The following SYCP2 variants were observed in gnomAD, a reference collection of about 807,000 sequenced individuals.
The protein encoded by SYCP2 is synaptonemal complex lateral element protein.
Under a neutral mutation model 211.3 loss-of-function variants are expected in SYCP2, and 55 were observed. The observed-to-expected ratio is 0.26, with a 90% CI of 0.21 to 0.33. SYCP2 has a LOEUF of 0.33. Ranked by LOEUF, SYCP2 falls within the 10% of genes least tolerant of loss-of-function variation. SYCP2 has a pLI of 1.00. For missense variants in SYCP2, 1,731 were observed against 1,752.0 expected, an observed-to-expected ratio of 0.99 and a Z score of 0.21; for synonymous variants, 570 against 555.2, an observed-to-expected ratio of 1.03 and a Z score of -0.37.
intron 15 of SYCP2, among the ~76,000 whole-genome samples, chr20:59,907,021 T>A (rs925609834): frequency 1.3e-5 from 2 of 152,164 alleles, no homozygotes; most frequent in African/African-American, 4.8e-5. Context: ...TCTGATTTTG[T>A]CCACTAGCAT....
intron 14 of SYCP2, among the ~76,000 whole-genome samples, chr20:59,911,408 G>A (rs1482144619): frequency 6.6e-6 from 1 of 152,174 alleles, no homozygotes; most frequent in African/African-American, 2.4e-5. Flanking sequence ...TCAATAGAAT[G>A]CCACTGTATT....
At chr20:59,903,977 G>C (rs963626123) in intron 15 of SYCP2, among the ~76,000 whole-genome samples, 3 of 152,128 alleles carry the variant, frequency 2.0e-5, no homozygotes, top group Admixed American at 6.6e-5. Flanking sequence ...CATGTAACAA[G>C]ATCTCTGGCC....
intron 26 of SYCP2, among the ~76,000 whole-genome samples, chr20:59,882,635 T>C (rs528512840): frequency 9.9e-5 from 15 of 152,166 alleles, no homozygotes; most frequent in African/African-American, 3.6e-4. Flanking sequence ...TGTAGCAACA[T>C]GGATGTAACT....
intron 39 of SYCP2, among the ~76,000 whole-genome samples, chr20:59,867,441 GA>G (rs1348162640): frequency 7.2e-6 from 1 of 138,452 alleles, no homozygotes; most frequent in African/African-American, 2.7e-5. Context: ...AAAGTGGCAT[GA>G]AAACTGTCCA....
chr20:59,912,029 T>C, intron 13 of SYCP2, 184 bp from the exon 14 acceptor site: 2 of 431,744 alleles, frequency 4.6e-6, no homozygotes, highest in Non-Finnish European at 8.2e-6. Context: ...TTTAATATTT[T>C]ATAAAAAATC....
chr20:59,864,087 T>G lies in SYCP2; in HGVS notation c.*224A>C, dbSNP rs942178860. On this transcript the variant is annotated 3_prime_UTR_variant, in exon 45 of 45. Transcript: ENST00000357552. ...TTCTTAAAGCTTTTATCTCCAAAAT[T>G]AAAAAAAAATATTGTATAGACAGAA... is the stretch of plus-strand genomic sequence containing the variant. 2 of 311,816 alleles carry G rather than the reference T, an allele frequency of 6.4e-6. No homozygotes were observed. The highest frequency in any genetic ancestry group is 1.2e-5 in the Non-Finnish European group (2 of 167,964). The allele number at this position is 311,816 out of a possible 1,614,324, so 19.3% of individuals were successfully genotyped here.
chr20:59,896,285 T>A (rs569484119), intron 19 of SYCP2, 144 bp downstream of exon 19: 1 of 553,546 alleles, frequency 1.8e-6, no homozygotes, highest in Non-Finnish European at 3.2e-6. Flanking sequence ...TTTCTTCCCA[T>A]TAGAAGACAT....
chr20:59,920,236 T>C (rs2060515904), intron 5 of SYCP2, 123 bp downstream of exon 5: 3 of 849,972 alleles, frequency 3.5e-6, no homozygotes, highest in Non-Finnish European at 3.6e-6. Context: ...AGAAATGTTT[T>C]ATTCCCAAAA....
At chr20:59,928,335 G>A (rs1304288596) in intron 2 of SYCP2, among the ~76,000 whole-genome samples, 4 of 152,026 alleles carry the variant, frequency 2.6e-5, no homozygotes, top group African/African-American at 9.7e-5. Context: ...ATGAATACAT[G>A]GAGTTGTTCC....
intron 36 of SYCP2, among the ~76,000 whole-genome samples, chr20:59,869,385 C>T (rs936222511): frequency 5.3e-5 from 8 of 151,734 alleles, no homozygotes; most frequent in Admixed American, 4.6e-4. Flanking sequence ...TAGCTCAAAT[C>T]GCAGCCCTCT....
At chr20:59,890,734 A>G (rs927454790) in intron 24 of SYCP2, among the ~76,000 whole-genome samples, 2 of 151,922 alleles carry the variant, frequency 1.3e-5, no homozygotes, top group South Asian at 4.2e-4. Flanking sequence ...ACAGCTTAGA[A>G]AAGATTATTA....
In SYCP2 at chr20:59,886,772, A is replaced by G; in HGVS notation, c.2427T>C (p.Asn809=). ...TGTCATCTTTTGTTTTGTATCTTTTATTGATTTGGCTTATCAAGGATTCTG... is the reference window on the plus strand; with the variant it reads ...TGTCATCTTTTGTTTTGTATCTTTTGTTGATTTGGCTTATCAAGGATTCTG... ...NVAESLISQI[N]KRYKTKDDIK... The change falls in exon 25 of 45, where the codon AAT becomes AAC. Residue 809 remains asparagine, a synonymous_variant. Transcript: ENST00000357552. 6.3e-7 allele frequency: 1 copy of G among 1,591,354 alleles called. No homozygotes were observed. The highest frequency in any genetic ancestry group is 8.5e-7 in the Non-Finnish European group (1 of 1,172,062).
intron 39 of SYCP2, among the ~76,000 whole-genome samples, chr20:59,867,209 G>A (rs987057799): frequency 6.9e-6 from 1 of 145,752 alleles, no homozygotes; most frequent in African/African-American, 2.5e-5. Context: ...AGAGGCATGT[G>A]AAAGAGATAG....
rs570102997 is a variant in SYCP2 at position 59,891,991 on chromosome 20, A to ATTTTT, written c.2358_2362dup (p.Met788LysfsTer3). 9.0e-6 allele frequency: 14 copies of ATTTTT among 1,550,100 alleles called. No homozygotes were observed. The highest frequency in any genetic ancestry group is 7.8e-5 in the Admixed American group (4 of 51,268). ...AATCAAAACACATTGAAAGCTCACC[A>ATTTTT]TTTTTTTTTGTTTCGAATCCCAGGA... On this transcript the variant is annotated frameshift_variant and splice_region_variant, in exon 24 of 45. Transcript: ENST00000357552. LOFTEE classifies it high-confidence loss of function.
chr20:59,912,526 T>A (rs1417172715), intron 12 of SYCP2, 108 bp from the exon 13 acceptor site: 1 of 454,286 alleles, frequency 2.2e-6, no homozygotes. Flanking sequence ...GCAGTGGTCA[T>A]AATAATTGAA....
chr20:59,864,803 T>C (rs149929555), intron 44 of SYCP2, among the ~76,000 whole-genome samples: 1 of 152,152 alleles, frequency 6.6e-6, no homozygotes, highest in Admixed American at 6.6e-5. Context: ...AGTACATTAA[T>C]ATACTGTGTA....
At position 59,893,533 on chromosome 20, in the gene SYCP2, G is replaced by T; in HGVS notation, c.1726C>A (p.Gln576Lys). 1 of 1,604,142 alleles carries T rather than the reference G, an allele frequency of 6.2e-7. No individual in the cohort carries two copies. Among genetic ancestry groups the T allele is most frequent in the Non-Finnish European group, 8.5e-7 (1 of 1,173,372 alleles). ...TENKNVEFPN[Q>K]NFSELQDVIP... ...ACCACAAGGTACTTACTAAAATTTT[G>T]GTTTGGGAATTCAACATTCTTATTT... Residue 576 changes from glutamine to lysine, a missense_variant, in exon 21 of 45, where the codon CAA becomes AAA. Coordinates refer to ENST00000357552, the MANE Select transcript of SYCP2 (RefSeq NM_014258.4).
intron 17 of SYCP2, among the ~76,000 whole-genome samples, chr20:59,900,511 C>T (rs2060095370): frequency 6.6e-6 from 1 of 151,998 alleles, no homozygotes; most frequent in African/African-American, 2.4e-5. Flanking sequence ...ACATTTACTG[C>T]TTTTTTAAAG....
At position 59,881,509 on chromosome 20, in the gene SYCP2, C is replaced by CA. The variant is rs1555874990; in HGVS notation, c.2659-18dup. ...CTCTTGGATCTATATTGTAAATAAA[C>CA]AAAAAAAAAGAGGTGTCAGTGTCAA... On this transcript the variant is annotated splice_polypyrimidine_tract_variant and intron_variant, in intron 28 of 44. Transcript: ENST00000357552. 3,416 of 1,305,996 alleles carry CA rather than the reference C, an allele frequency of 2.6e-3. 9 individuals carry two copies. The highest frequency in any genetic ancestry group is 0.015 in the East Asian group (526 of 35,904). The allele number at this position is 1,305,996 out of a possible 1,614,324, so 80.9% of individuals were successfully genotyped here. A position where few individuals can be genotyped will look rare whatever the true frequency, so the allele number is the denominator to read the frequency against.
Sources: allele counts gnomAD v4.1 joint callset (sites outside exome capture counted in the v4.1 genomes callset), GRCh38; gene constraint gnomAD v4.1.1; transcripts MANE v1.5; gene names NCBI Gene and HGNC (gene_info 2026-07-23, HGNC 2026-07-21).